Variants in CDK14 observed in about 807,000 individuals in gnomAD.
CDK14 encodes cyclin dependent kinase 14, also known as cyclin-dependent kinase 14.
In CDK14, 34 loss-of-function variants were observed where a neutral mutation model predicts 60.7. The observed-to-expected ratio is 0.56, with a 90% CI of 0.43 to 0.75. The LOEUF (loss-of-function observed/expected upper bound fraction) is 0.75, where lower values mean the gene tolerates loss of function less well. CDK14 is among the 30% of genes least tolerant of loss of function. The probability of loss-of-function intolerance (pLI) is 0.00; values close to 1 mark genes in which losing one functional copy is unlikely to be tolerated. For synonymous variants in CDK14, 197 were observed against 203.7 expected (o/e 0.97, Z 0.28); for missense variants, 482 against 564.1 (o/e 0.85, Z 1.47).
chr7:90,597,017 A>AC (rs1563010305), intron 1 of CDK14, among the ~76,000 whole-genome samples: 1 of 150,338 alleles, frequency 6.7e-6, no homozygotes, highest in African/African-American at 2.5e-5. Context: ...GGGCGAGGGG[A>AC]CCCCTCGGCC....
intron 5 of CDK14, among the ~76,000 whole-genome samples, chr7:90,860,837 T>C (rs561366604): frequency 3.3e-5 from 5 of 152,282 alleles, no homozygotes; most frequent in African/African-American, 1.2e-4. Flanking sequence ...CTCATTCCTT[T>C]TTTCAATCAA....
intron 9 of CDK14, 91 bp downstream of exon 9, chr7:90,955,908 A>G: frequency 6.8e-7 from 1 of 1,471,606 alleles, no homozygotes; most frequent in Non-Finnish European, 9.3e-7. Context: ...TTGAATGAAG[A>G]TTAATGGTGC....
chr7:90,860,118 A>T (rs1790954927), intron 5 of CDK14, among the ~76,000 whole-genome samples: 1 of 152,170 alleles, frequency 6.6e-6, no homozygotes, highest in South Asian at 2.1e-4. Flanking sequence ...TGAAGAATTT[A>T]TTCTCAAATT....
chr7:90,738,115 C>T (rs1339821781), intron 3 of CDK14, among the ~76,000 whole-genome samples: 1 of 152,008 alleles, frequency 6.6e-6, no homozygotes, highest in Non-Finnish European at 1.5e-5. Context: ...GGTTAGGACT[C>T]TGTGTGAATA....
intron 14 of CDK14, among the ~76,000 whole-genome samples, chr7:91,174,216 G>A (rs1254978216): frequency 1.4e-4 from 22 of 151,940 alleles, no homozygotes; most frequent in Non-Finnish European, 2.8e-4. Flanking sequence ...TCACACGGCA[G>A]GGTATTCCAA....
chr7:91,040,379 T>C (rs1797054554), intron 10 of CDK14, among the ~76,000 whole-genome samples: 1 of 152,188 alleles, frequency 6.6e-6, no homozygotes, highest in South Asian at 2.1e-4. Context: ...GCTGAGCCAC[T>C]TCACAGGTTT....
At chr7:90,778,982 G>A (rs967508416) in intron 4 of CDK14, among the ~76,000 whole-genome samples, 3 of 150,982 alleles carry the variant, frequency 2.0e-5, no homozygotes, top group African/African-American at 7.3e-5. Flanking sequence ...ACTGGACACG[G>A]TGGCTCACGT....
chr7:90,701,578 A>G (rs1584802981), intron 2 of CDK14, among the ~76,000 whole-genome samples: 1 of 152,218 alleles, frequency 6.6e-6, no homozygotes, highest in African/African-American at 2.4e-5. Flanking sequence ...AGTTTAAAAC[A>G]AGACATCTAT....
At position 90,796,818 on chromosome 7, in the gene CDK14, G is replaced by A. The variant is rs186914329; in HGVS notation, c.544+6166G>A. 9.2e-5 allele frequency among the ~76,000 whole-genome samples: 14 copies of A among 151,978 alleles called. 1 individual carries two copies. Among genetic ancestry groups the A allele is most frequent in the African/African-American group, 2.4e-4 (10 of 41,322 alleles). On this transcript the variant is annotated intron_variant, in intron 5 of 14. Transcript: ENST00000380050. ...TGGGAGTGCAGCTCACAAGAGTTTA[G>A]CGTAAGTAGTATATATGTACCATGG...
At chr7:91,199,732 T>C (rs1205955445) in intron 14 of CDK14, among the ~76,000 whole-genome samples, 1 of 152,232 alleles carries the variant, frequency 6.6e-6, no homozygotes. Flanking sequence ...CACTTTGGCA[T>C]GAAGCTTAAA....
intron 12 of CDK14, among the ~76,000 whole-genome samples, chr7:91,108,120 C>T (rs578082305): frequency 2.0e-4 from 31 of 152,248 alleles, no homozygotes; most frequent in Non-Finnish European, 1.2e-4. Flanking sequence ...CCAACCTGGC[C>T]AACATGGTGA....
At chr7:91,004,774 G>A (rs1253810430) in intron 10 of CDK14, among the ~76,000 whole-genome samples, 1 of 152,210 alleles carries the variant, frequency 6.6e-6, no homozygotes, top group Non-Finnish European at 1.5e-5. Flanking sequence ...TTCACCAATG[G>A]ATGGTTATCA....
intron 3 of CDK14, among the ~76,000 whole-genome samples, chr7:90,747,106 T>C (rs1241160816): frequency 6.6e-6 from 1 of 152,210 alleles, no homozygotes; most frequent in Admixed American, 6.5e-5. Context: ...TCAGTAAAAC[T>C]TTATGAACAC....
rs542388394 is a variant in CDK14, at chr7:91,010,875, T to C, written c.1041+26634T>C. On this transcript the variant is annotated intron_variant, in intron 10 of 14. Coordinates refer to ENST00000380050, the MANE Select transcript of CDK14 (RefSeq NM_001287135.2). ...TCCCTCCCTCCCTCCCTCTCTCTCT[T>C]TCTTTTTTTTTTGCCTTATACTGGC... Among the ~76,000 whole-genome samples the C allele has an allele frequency of 5.2e-3, 692 of 133,524 alleles. 7 individuals are homozygous for C. Among genetic ancestry groups the C allele is most frequent in the African/African-American group, 0.017 (613 of 36,560 alleles). 87.6% of individuals were successfully genotyped at this position (133,524 alleles called of 152,430 possible). A position where few individuals can be genotyped will look rare whatever the true frequency, so the allele number is the denominator to read the frequency against.
chr7:91,136,284 G>A (rs781286937), intron 14 of CDK14, among the ~76,000 whole-genome samples: 2 of 151,870 alleles, frequency 1.3e-5, no homozygotes, highest in African/African-American at 2.4e-5. Context: ...ACTCTCCACC[G>A]TAAGTTTTTC....
chr7:90,721,772 A>G (rs1256845224), intron 2 of CDK14, among the ~76,000 whole-genome samples: 1 of 152,178 alleles, frequency 6.6e-6, no homozygotes, highest in Non-Finnish European at 1.5e-5. Context: ...TTGGGTTCTC[A>G]GTGATTTTTT....
intron 6 of CDK14, among the ~76,000 whole-genome samples, chr7:90,864,514 T>G (rs756708639): frequency 1.3e-5 from 2 of 152,154 alleles, no homozygotes; most frequent in Non-Finnish European, 2.9e-5. Flanking sequence ...TACAGTGTTT[T>G]GTAGAAAAGA....
chr7:90,611,783 C>CT, intron 2 of CDK14, among the ~76,000 whole-genome samples: 1 of 151,110 alleles, frequency 6.6e-6, no homozygotes, highest in Non-Finnish European at 1.5e-5. Context: ...CTTTCACGAT[C>CT]TATCTCTTTC....
intron 5 of CDK14, among the ~76,000 whole-genome samples, chr7:90,839,049 A>C (rs1266658335): frequency 6.6e-6 from 1 of 152,184 alleles, no homozygotes; most frequent in Non-Finnish European, 1.5e-5. Flanking sequence ...GGAGGCCCCG[A>C]TGTAAAATTT....
Sources: allele counts gnomAD v4.1 joint callset (sites outside exome capture counted in the v4.1 genomes callset), GRCh38; gene constraint gnomAD v4.1.1; transcripts MANE v1.5; gene names NCBI Gene and HGNC (gene_info 2026-07-23, HGNC 2026-07-21).